The following ITGA8 variants were observed in gnomAD, a reference collection of about 807,000 sequenced individuals.
The protein encoded by ITGA8 is integrin alpha-8.
Under a neutral mutation model 142.3 loss-of-function variants are expected in ITGA8, and 91 were observed. That is an observed-to-expected ratio of 0.64 (90% confidence interval 0.54 to 0.76). The LOEUF (loss-of-function observed/expected upper bound fraction) is 0.76, where lower values mean the gene tolerates loss of function less well. Ranked by LOEUF, ITGA8 falls within the 30% of genes least tolerant of loss-of-function variation. ITGA8 has a pLI of 0.00. For synonymous variants in ITGA8, 505 were observed against 485.2 expected (o/e 1.04, Z -0.54); for missense variants, 1,406 against 1,327.7 (o/e 1.06, Z -0.92).
chr10:15,671,595 C>T lies in ITGA8; in HGVS notation c.847+8G>A, dbSNP rs372399541. 5.6e-6 allele frequency: 9 copies of T among 1,608,232 alleles called. No individual in the cohort carries two copies. The highest frequency in any genetic ancestry group is 2.2e-5 in the East Asian group (1 of 44,780). ...TATAAGTGATTTAAACTCAACAGTGCCTCTCACCTTGCTGAGAATCCCCAG... is the reference window on the plus strand; with the variant it reads ...TATAAGTGATTTAAACTCAACAGTGTCTCTCACCTTGCTGAGAATCCCCAG... On this transcript the variant is annotated splice_region_variant and intron_variant, in intron 8 of 29. Transcript: ENST00000378076.
At chr10:15,572,968 G>A (rs1016176442) in intron 24 of ITGA8, among the ~76,000 whole-genome samples, 4 of 152,168 alleles carry the variant, frequency 2.6e-5, no homozygotes, top group Non-Finnish European at 2.9e-5. Flanking sequence ...TTTTTAACAC[G>A]TGAATCCTAT....
chr10:15,563,552 A>T (rs1402887747), intron 25 of ITGA8, among the ~76,000 whole-genome samples: 2 of 152,210 alleles, frequency 1.3e-5, no homozygotes, highest in African/African-American at 4.8e-5. Context: ...CTGACTCTTT[A>T]TTCCCAAGAT....
intron 11 of ITGA8, among the ~76,000 whole-genome samples, chr10:15,647,402 A>T (rs1465237330): frequency 6.6e-6 from 1 of 150,894 alleles, no homozygotes; most frequent in Non-Finnish European, 1.5e-5. Flanking sequence ...GTAAAAATAG[A>T]TTAGAGTTTG....
intron 2 of ITGA8, among the ~76,000 whole-genome samples, chr10:15,699,652 A>G (rs912775207): frequency 6.6e-6 from 1 of 152,132 alleles, no homozygotes; most frequent in Non-Finnish European, 1.5e-5. Context: ...ATCCACCTCC[A>G]TGTGCCTATG....
intron 6 of ITGA8, among the ~76,000 whole-genome samples, chr10:15,675,758 T>C (rs906660877): frequency 6.6e-6 from 1 of 152,216 alleles, no homozygotes; most frequent in African/African-American, 2.4e-5. Flanking sequence ...AAGCCATCTA[T>C]TTAAACTCTT....
At chr10:15,601,233 C>A (rs928224549) in intron 20 of ITGA8, among the ~76,000 whole-genome samples, 3 of 150,160 alleles carry the variant, frequency 2.0e-5, no homozygotes, top group Non-Finnish European at 4.4e-5. Flanking sequence ...AGCAAGACTC[C>A]ATAAAAAAAA....
chr10:15,581,334 C>A (rs10906932), intron 23 of ITGA8, among the ~76,000 whole-genome samples: 7,603 of 152,282 alleles, frequency 0.05, 216 homozygotes, highest in East Asian at 0.091. Context: ...ATGTCAATAG[C>A]AGAAAAGTAA....
chr10:15,717,798 A>G (rs1246024386), intron 2 of ITGA8, among the ~76,000 whole-genome samples: 2 of 152,260 alleles, frequency 1.3e-5, no homozygotes, highest in East Asian at 3.8e-4. Flanking sequence ...TATAGTAACA[A>G]GTAAACATCA....
chr10:15,679,849 C>T (rs1834702743), intron 4 of ITGA8, among the ~76,000 whole-genome samples: 1 of 152,184 alleles, frequency 6.6e-6, no homozygotes, highest in African/African-American at 2.4e-5. Context: ...GCATTAGGAC[C>T]AGGAATTTAC....
intron 21 of ITGA8, chr10:15,596,513 T>A (rs1469080102): frequency 6.6e-6 from 1 of 152,278 alleles, no homozygotes; most frequent in Non-Finnish European, 1.5e-5. Context: ...GTCATGGGAA[T>A]GTACTTGCCA....
At chr10:15,579,723 A>T (rs779571375) in intron 23 of ITGA8, among the ~76,000 whole-genome samples, 9 of 152,208 alleles carry the variant, frequency 5.9e-5, no homozygotes, top group Non-Finnish European at 7.4e-5. Context: ...CAAAAATAAA[A>T]CATCGAGATT....
In ITGA8 at chr10:15,549,201, G is replaced by GTTTTTTTTTTTTTT. The variant is rs67683436; in HGVS notation, c.2767-647_2767-634dup. On this transcript the variant is annotated intron_variant, in intron 26 of 29. Transcript: ENST00000378076. Reference sequence around the variant, plus strand: ...TTCTTTCTTTTTTCTTTTCTTTTCTGTTTTTTTTTTTTTTTTTTTTTTTTT... The same window carrying GTTTTTTTTTTTTTT: ...TTCTTTCTTTTTTCTTTTCTTTTCTGTTTTTTTTTTTTTTTTTTTTTTTTTTTTTTTTTTTTTTT... Among the ~76,000 whole-genome samples the GTTTTTTTTTTTTTT allele has an allele frequency of 4.1e-3, 439 of 106,926 alleles. 30 individuals carry two copies. The highest frequency in any genetic ancestry group is 5.0e-3 in the Non-Finnish European group (288 of 57,688). The allele number at this position is 106,926 out of a possible 152,430, so 70.1% of individuals were successfully genotyped here.
intron 16 of ITGA8, 140 bp downstream of exon 16, chr10:15,608,095 A>G (rs1833228642): frequency 2.9e-6 from 2 of 686,958 alleles, no homozygotes; most frequent in African/African-American, 1.8e-5. Flanking sequence ...AGTAATATTT[A>G]TTAGAAGGTT....
intron 6 of ITGA8, among the ~76,000 whole-genome samples, chr10:15,674,496 T>C (rs78988652): frequency 0.11 from 16,127 of 152,270 alleles, 902 homozygotes; most frequent in East Asian, 0.19. Context: ...GTAAATATAA[T>C]TTTAATTTTG....
intron 22 of ITGA8, among the ~76,000 whole-genome samples, chr10:15,591,582 C>T (rs1832923718): frequency 6.6e-6 from 1 of 152,078 alleles, no homozygotes; most frequent in Non-Finnish European, 1.5e-5. Flanking sequence ...TTCTTCAGGT[C>T]TTCCTGTTCA....
chr10:15,585,336 C>T (rs1347220893), intron 23 of ITGA8, among the ~76,000 whole-genome samples: 1 of 152,164 alleles, frequency 6.6e-6, no homozygotes, highest in Non-Finnish European at 1.5e-5. Flanking sequence ...CTCACCTGTA[C>T]AAGGAGGATA....
In ITGA8 at chr10:15,654,059, C is replaced by T. The variant is rs571750282; in HGVS notation, c.1001+1295G>A. ...CCACATTGGTCAGGCTGGCCTCGAC[C>T]TCCTGACCTCAGGTGATCCACCCGC... On this transcript the variant is annotated intron_variant, in intron 11 of 29. Transcript: ENST00000378076. Among the ~76,000 whole-genome samples, 201 of 152,256 alleles carry T rather than the reference C, an allele frequency of 1.3e-3. 1 individual carries two copies. The highest frequency in any genetic ancestry group is 4.7e-3 in the African/African-American group (195 of 41,560).
At chr10:15,621,509 T>G (rs10737007) in intron 13 of ITGA8, among the ~76,000 whole-genome samples, 103,993 of 152,114 alleles carry the variant, frequency 0.68, 36,804 homozygotes, top group South Asian at 0.86. Context: ...GGTGCTTGGT[T>G]TGCAGAGTCT....
At chr10:15,530,311 G>T (rs1833261793) in intron 28 of ITGA8, among the ~76,000 whole-genome samples, 1 of 152,038 alleles carries the variant, frequency 6.6e-6, no homozygotes, top group Non-Finnish European at 1.5e-5. Context: ...ACTTTCGGAG[G>T]CTGAGGCGGG....
Sources: allele counts gnomAD v4.1 joint callset (sites outside exome capture counted in the v4.1 genomes callset), GRCh38; gene constraint gnomAD v4.1.1; transcripts MANE v1.5; gene names NCBI Gene and HGNC (gene_info 2026-07-23, HGNC 2026-07-21).